TBCK: variants seen among roughly 807,000 people sequenced by gnomAD.
The protein encoded by TBCK is TBC domain-containing protein kinase-like protein.
In TBCK, 99 loss-of-function variants were observed where a neutral mutation model predicts 113.4. The ratio of observed to expected loss-of-function variants is 0.87; its 90% CI spans 0.74 to 1.03. The LOEUF is 1.03. Among genes scored for constraint, TBCK ranks in the 50% least tolerant of loss-of-function variants. TBCK has a pLI of 0.00. For synonymous variants in TBCK, 369 were observed against 370.8 expected, an observed-to-expected ratio of 1.00 and a Z score of 0.05; for missense variants, 1,045 against 1,061.3, an observed-to-expected ratio of 0.98 and a Z score of 0.21.
intron 22 of TBCK, chr4:106,182,483 C>T (rs1475305624): frequency 6.6e-6 from 1 of 152,086 alleles, no homozygotes; most frequent in African/African-American, 2.4e-5. Context: ...TTTGCCCGTT[C>T]AGTATGATAT....
At chr4:106,217,225 A>T (rs934776380) in intron 19 of TBCK, among the ~76,000 whole-genome samples, 1 of 152,170 alleles carries the variant, frequency 6.6e-6, no homozygotes. Context: ...CTTCAAAATA[A>T]TAAGAGCTAT....
intron 22 of TBCK, among the ~76,000 whole-genome samples, chr4:106,176,073 A>G (rs1427577516): frequency 6.6e-6 from 1 of 152,170 alleles, no homozygotes; most frequent in Non-Finnish European, 1.5e-5. Flanking sequence ...TATTAATTAA[A>G]TATGGAATAC....
At chr4:106,072,637 T>C (rs1047995021) in intron 25 of TBCK, among the ~76,000 whole-genome samples, 9 of 152,216 alleles carry the variant, frequency 5.9e-5, no homozygotes, top group Admixed American at 5.2e-4. Context: ...ATTTGAATGT[T>C]GGCCTGCCTT....
chr4:106,172,369 A>G (rs1179352005), intron 22 of TBCK, among the ~76,000 whole-genome samples: 1 of 152,110 alleles, frequency 6.6e-6, no homozygotes, highest in East Asian at 1.9e-4. Context: ...TCTCTTTAGG[A>G]GGCCAACAGT....
At chr4:106,187,751 T>C (rs1753191330) in intron 22 of TBCK, among the ~76,000 whole-genome samples, 1 of 152,178 alleles carries the variant, frequency 6.6e-6, no homozygotes, top group Non-Finnish European at 1.5e-5. Flanking sequence ...GTAGTTATCG[T>C]TGTAGAGATC....
intron 23 of TBCK, among the ~76,000 whole-genome samples, chr4:106,161,805 C>A (rs1749830203): frequency 6.6e-6 from 1 of 151,804 alleles, no homozygotes; most frequent in Non-Finnish European, 1.5e-5. Context: ...GAGCTAATAA[C>A]CGGAAGCCAT....
intron 23 of TBCK, among the ~76,000 whole-genome samples, chr4:106,126,034 G>A (rs1381737767): frequency 6.6e-6 from 1 of 152,074 alleles, no homozygotes; most frequent in African/African-American, 2.4e-5. Flanking sequence ...TCACCATCTT[G>A]TCCCTTATGC....
chr4:106,195,482 A>ATGTGCGTGTGTGTGTG (rs1553957247), intron 20 of TBCK, among the ~76,000 whole-genome samples: 21 of 2,058 alleles, frequency 0.01, no homozygotes, highest in Admixed American at 9.0e-3. Context: ...ATCTGGTTAA[A>ATGTGCGTGTGTGTGTG]TGTGTGTGTT....
intron 23 of TBCK, among the ~76,000 whole-genome samples, chr4:106,145,744 C>T (rs1444996407): frequency 6.6e-6 from 1 of 152,024 alleles, no homozygotes. Flanking sequence ...TAGACATGAA[C>T]AGATATTTTT....
intron 2 of TBCK, 40 bp from the exon 3 acceptor site, chr4:106,295,206 TACA>T (rs1443210651): frequency 1.3e-6 from 2 of 1,584,328 alleles, no homozygotes; most frequent in East Asian, 2.2e-5. Context: ...ATTTTATCAA[TACA>T]ACATGTTAAA....
intron 22 of TBCK, among the ~76,000 whole-genome samples, chr4:106,179,039 G>C (rs1752020496): frequency 6.6e-6 from 1 of 151,846 alleles, no homozygotes; most frequent in Non-Finnish European, 1.5e-5. Flanking sequence ...GTTCATAATA[G>C]TCTCTAATGA....
Position 106,232,935 on chromosome 4 carries a change from T to G in TBCK, c.1639+3A>C. On this transcript the variant is annotated splice_donor_region_variant and intron_variant, in intron 17 of 25. Transcript: ENST00000394708. The stretch of plus-strand genomic sequence containing the variant: ...GAGGAGTTTTAATGACTACAAAAGT[T>G]ACCTTGCCAATACACAAGATCAGGA... 6.2e-7 allele frequency: 1 copy of G among 1,610,080 alleles called. No homozygotes were observed. The highest frequency in any genetic ancestry group is 8.5e-7 in the Non-Finnish European group (1 of 1,177,890).
chr4:106,067,348 G>A (rs1736768339), intron 25 of TBCK, among the ~76,000 whole-genome samples: 1 of 152,082 alleles, frequency 6.6e-6, no homozygotes, highest in East Asian at 1.9e-4. Context: ...AGCTGTAGGA[G>A]TTGTTAGTGA....
chr4:106,237,063 T>C (rs1184669112), intron 12 of TBCK, among the ~76,000 whole-genome samples: 1 of 151,992 alleles, frequency 6.6e-6, no homozygotes, highest in Non-Finnish European at 1.5e-5. Flanking sequence ...ACACTTATCA[T>C]GATATATTTT....
At chr4:106,304,429 C>A (rs1418433942) in intron 2 of TBCK, among the ~76,000 whole-genome samples, 1 of 152,162 alleles carries the variant, frequency 6.6e-6, no homozygotes, top group Admixed American at 6.5e-5. Context: ...TTCATCTAGA[C>A]AACAGATTGT....
chr4:106,312,515 G>A (rs1768313740), intron 1 of TBCK, among the ~76,000 whole-genome samples: 1 of 152,006 alleles, frequency 6.6e-6, no homozygotes, highest in African/African-American at 2.4e-5. Flanking sequence ...AGCGTAAAAT[G>A]GCAAAAGAAT....
chr4:106,052,982 C>A (rs987835201), intron 25 of TBCK, among the ~76,000 whole-genome samples: 1 of 151,626 alleles, frequency 6.6e-6, no homozygotes, highest in African/African-American at 2.4e-5. Context: ...ACCCATAGTA[C>A]TATCACACCT....
chr4:106,151,477 GCTTGA>G (rs1191111001), intron 23 of TBCK, among the ~76,000 whole-genome samples: 5 of 151,928 alleles, frequency 3.3e-5, no homozygotes, highest in African/African-American at 1.2e-4. Context: ...GTCTTTTTGT[GCTTGA>G]CTTATTTTAT....
At chr4:106,288,335 A>G (rs1031171238) in intron 3 of TBCK, among the ~76,000 whole-genome samples, 2 of 152,078 alleles carry the variant, frequency 1.3e-5, no homozygotes, top group East Asian at 1.9e-4. Context: ...TGAAGCTTGC[A>G]GTGAGCTGAG....
Sources: gnomAD v4.1 joint callset for allele counts (sites outside exome capture counted in the v4.1 genomes callset) on GRCh38, gnomAD v4.1.1 for gene constraint, MANE v1.5 for transcripts, NCBI Gene and HGNC (gene_info 2026-07-23, HGNC 2026-07-21) for gene names.